Variants in SCARB2 observed in about 807,000 individuals in gnomAD.
The protein encoded by SCARB2 is lysosome membrane protein 2.
Under a neutral mutation model 58.6 loss-of-function variants are expected in SCARB2, and 29 were observed. That is an observed-to-expected ratio of 0.49 (90% CI 0.37 to 0.67). The LOEUF (loss-of-function observed/expected upper bound fraction) is 0.67. Among genes scored for constraint, SCARB2 ranks in the 30% least tolerant of loss-of-function variants. The pLI is 0.00. For synonymous variants in SCARB2, 195 were observed against 210.1 expected (o/e 0.93, Z 0.62); for missense variants, 488 against 578.5 (o/e 0.84, Z 1.60).
intron 2 of SCARB2, among the ~76,000 whole-genome samples, chr4:76,187,899 T>C (rs1732521631): frequency 6.6e-6 from 1 of 152,108 alleles, no homozygotes; most frequent in Non-Finnish European, 1.5e-5. Context: ...TGATTATATT[T>C]GAAAATCCAG....
chr4:76,220,057 TC>T, intron 1 of SCARB2, among the ~76,000 whole-genome samples: 1 of 152,204 alleles, frequency 6.6e-6, no homozygotes, highest in East Asian at 1.9e-4. Context: ...CAGAACTGTT[TC>T]CTCCATTTTG....
chr4:76,197,532 T>A (rs1437182974), intron 1 of SCARB2, among the ~76,000 whole-genome samples: 3 of 149,988 alleles, frequency 2.0e-5, no homozygotes, highest in African/African-American at 7.6e-5. Context: ...CACACCCACA[T>A]ATTATTGTTA....
At chr4:76,222,629 G>T (rs1284365864) in intron 1 of SCARB2, among the ~76,000 whole-genome samples, 2 of 152,132 alleles carry the variant, frequency 1.3e-5, no homozygotes, top group East Asian at 1.9e-4. Context: ...GGAGGGTTTT[G>T]GTCCTTCACA....
At chr4:76,184,221 G>A (rs1732441722) in intron 2 of SCARB2, among the ~76,000 whole-genome samples, 1 of 152,174 alleles carries the variant, frequency 6.6e-6, no homozygotes. Flanking sequence ...TTTCTCATTA[G>A]CACAAGGTGC....
At chr4:76,210,670 C>T (rs989733030) in intron 1 of SCARB2, among the ~76,000 whole-genome samples, 1 of 152,212 alleles carries the variant, frequency 6.6e-6, no homozygotes, top group African/African-American at 2.4e-5. Flanking sequence ...GAAACAATTA[C>T]AGGCCTTGCC....
At chr4:76,167,892 G>A (rs956896673) in intron 9 of SCARB2, among the ~76,000 whole-genome samples, 50 of 152,090 alleles carry the variant, frequency 3.3e-4, no homozygotes, top group African/African-American at 1.2e-3. Context: ...ATGTTGGCCA[G>A]GATGGTCTTG....
chr4:76,202,903 A>C (rs544339540), intron 1 of SCARB2, among the ~76,000 whole-genome samples: 2 of 152,324 alleles, frequency 1.3e-5, no homozygotes, highest in African/African-American at 4.8e-5. Flanking sequence ...AAATCAGTTT[A>C]TTTAATCATT....
intron 1 of SCARB2, among the ~76,000 whole-genome samples, chr4:76,229,085 T>G (rs1347466521): frequency 6.6e-6 from 1 of 152,184 alleles, no homozygotes; most frequent in Non-Finnish European, 1.5e-5. Context: ...AGCCTTGTTT[T>G]CAAGCTCTGA....
intron 10 of SCARB2, chr4:76,164,226 G>A (rs1378605021): frequency 2.0e-5 from 3 of 152,272 alleles, no homozygotes; most frequent in African/African-American, 7.2e-5. Flanking sequence ...TTGCACTGGA[G>A]GCCTGGCATA....
At chr4:76,224,644 C>T (rs1175068044) in intron 1 of SCARB2, among the ~76,000 whole-genome samples, 1 of 152,200 alleles carries the variant, frequency 6.6e-6, no homozygotes, top group African/African-American at 2.4e-5. Context: ...TTCACTGCAA[C>T]CTCTGCCTCC....
chr4:76,210,577 T>C (rs1360473152), intron 1 of SCARB2, among the ~76,000 whole-genome samples: 2 of 152,236 alleles, frequency 1.3e-5, no homozygotes, highest in East Asian at 3.8e-4. Context: ...GCCTTATTAA[T>C]GCTCACAATA....
At chr4:76,224,858 A>T (rs1358224028) in intron 1 of SCARB2, among the ~76,000 whole-genome samples, 1 of 152,162 alleles carries the variant, frequency 6.6e-6, no homozygotes, top group Admixed American at 6.5e-5. Flanking sequence ...TCACCCAAGC[A>T]GTAAACACGG....
chr4:76,168,214 G>A (rs764596840), intron 9 of SCARB2, among the ~76,000 whole-genome samples, 189 bp downstream of exon 9: 3 of 152,212 alleles, frequency 2.0e-5, no homozygotes, highest in South Asian at 4.1e-4. Flanking sequence ...CTCTGTAAGT[G>A]TATGATTAAA....
intron 2 of SCARB2, chr4:76,184,799 ATT>A: frequency 2.7e-6 from 1 of 364,412 alleles, no homozygotes; most frequent in Non-Finnish European, 5.2e-6. Flanking sequence ...AAAAAAAAAA[ATT>A]TTAATTTAAA....
chr4:76,216,586 T>C (rs1733211636), upstream of SCARB2, among the ~76,000 whole-genome samples: 3 of 152,228 alleles, frequency 2.0e-5, no homozygotes, highest in African/African-American at 7.2e-5. Flanking sequence ...GATGGAGAGA[T>C]GGAGACAAAT....
chr4:76,198,377 G>A (rs549349541), intron 1 of SCARB2, among the ~76,000 whole-genome samples: 2 of 152,224 alleles, frequency 1.3e-5, no homozygotes, highest in Non-Finnish European at 2.9e-5. Context: ...ACAAGTGGAA[G>A]GGTTTCCAGA....
chr4:76,172,004 CTATA>C (rs577052580), intron 7 of SCARB2, among the ~76,000 whole-genome samples: 2 of 148,842 alleles, frequency 1.3e-5, no homozygotes, highest in East Asian at 2.0e-4. Context: ...GTGTGTATAC[CTATA>C]TATATATACT....
intron 5 of SCARB2, 35 bp downstream of exon 5, chr4:76,176,401 GA>G (rs777728119): frequency 6.8e-7 from 1 of 1,475,292 alleles, no homozygotes; most frequent in Non-Finnish European, 9.5e-7. Context: ...AATGAAAACT[GA>G]AAAAATAATT....
chr4:76,188,719 A>G lies in SCARB2; in HGVS notation c.275+6988T>C, dbSNP rs577370197. 7.2e-5 allele frequency among the ~76,000 whole-genome samples: 11 copies of G among 152,362 alleles called. No individual in the cohort carries two copies. In the East Asian group the frequency reaches 1.9e-3, roughly 27 times the overall value. On this transcript the variant is annotated intron_variant, in intron 2 of 11. Coordinates refer to ENST00000264896, the MANE Select transcript of SCARB2 (RefSeq NM_005506.4). ...GCCTAAACAATAGCATCATAAAGCC[A>G]CAAGTGACAGAAATCAAATCCAGTG...
Sources: allele counts gnomAD v4.1 joint callset (sites outside exome capture counted in the v4.1 genomes callset), GRCh38; gene constraint gnomAD v4.1.1; transcripts MANE v1.5; gene names NCBI Gene and HGNC (gene_info 2026-07-23, HGNC 2026-07-21).